Variants in RHCE observed in about 807,000 individuals in gnomAD.
RHCE encodes blood group Rh(CE) polypeptide.
Under a neutral mutation model 43.8 loss-of-function variants are expected in RHCE, and 22 were observed. The observed-to-expected ratio is 0.50, with a 90% CI of 0.36 to 0.72. The LOEUF (loss-of-function observed/expected upper bound fraction) is 0.72, where lower values mean the gene tolerates loss of function less well. Ranked by LOEUF, RHCE falls within the 30% of genes least tolerant of loss-of-function variation. RHCE has a pLI of 0.00. For missense variants in RHCE, 385 were observed against 525.4 expected (o/e 0.73, Z 2.61); for synonymous variants, 156 against 210.7 (o/e 0.74, Z 2.25).
intron 3 of RHCE, among the ~76,000 whole-genome samples, chr1:25,397,643 T>C (rs1275300947): frequency 6.6e-6 from 1 of 152,168 alleles, no homozygotes. Context: ...CCTTGGTCAC[T>C]GATGATGTCA....
chr1:25,379,489 ATATATATTTTTTTT>A (rs1297828755), intron 7 of RHCE, among the ~76,000 whole-genome samples: 23 of 19,644 alleles, frequency 1.2e-3, no homozygotes, highest in African/African-American at 8.0e-3. Context: ...ATATATATAT[ATATATATTTTTTTT>A]TTTTTTTTTT....
chr1:25,371,482 C>T (rs529496392), intron 8 of RHCE, among the ~76,000 whole-genome samples: 3 of 151,386 alleles, frequency 2.0e-5, no homozygotes, highest in Non-Finnish European at 1.5e-5. Context: ...GCAACCCCCC[C>T]ACCTCAGCCT....
At chr1:25,393,538 T>C (rs546427577) in intron 3 of RHCE, among the ~76,000 whole-genome samples, 2 of 152,310 alleles carry the variant, frequency 1.3e-5, no homozygotes, top group African/African-American at 2.4e-5. Context: ...GGAGATTCAC[T>C]GGAACCTGGG....
chr1:25,418,401 G>A lies in RHCE; in HGVS notation c.148+2238C>T, dbSNP rs573338746. On this transcript the variant is annotated intron_variant, in intron 1 of 9. Coordinates refer to ENST00000294413, the MANE Select transcript of RHCE (RefSeq NM_020485.8). ...TTTTGAGATGAAGTCTTGCTCTGTC[G>A]CCCAGGCTGGAGTGTAATGGCCTCC... Among the ~76,000 whole-genome samples, 18 of 149,712 alleles carry A rather than the reference G, an allele frequency of 1.2e-4. No homozygotes were observed. In the South Asian group the frequency reaches 1.9e-3, roughly 16 times the overall value.
intron 8 of RHCE, among the ~76,000 whole-genome samples, chr1:25,373,307 G>A (rs1190193758): frequency 1.3e-5 from 2 of 151,684 alleles, no homozygotes; most frequent in Admixed American, 6.6e-5. Context: ...TGAATAGTGT[G>A]AGTCCCAGGA....
intron 2 of RHCE, among the ~76,000 whole-genome samples, chr1:25,406,271 G>T (rs1360493061): frequency 3.4e-5 from 4 of 117,526 alleles, no homozygotes; most frequent in Non-Finnish European, 7.5e-5. Flanking sequence ...GTGTGTGTGT[G>T]TGTGTATTGA....
chr1:25,421,325 A>G (rs1192748017), upstream of RHCE, among the ~76,000 whole-genome samples: 1 of 152,254 alleles, frequency 6.6e-6, no homozygotes, highest in East Asian at 1.9e-4. Flanking sequence ...GGATACAGAT[A>G]GGACCCACGT....
chr1:25,414,992 A>C (rs1647272884), intron 1 of RHCE, among the ~76,000 whole-genome samples: 1 of 152,044 alleles, frequency 6.6e-6, no homozygotes, highest in African/African-American at 2.4e-5. Flanking sequence ...TGCTTCCCCT[A>C]AGCATATCAT....
intron 3 of RHCE, among the ~76,000 whole-genome samples, chr1:25,392,731 T>C (rs544939064): frequency 6.6e-6 from 1 of 152,054 alleles, no homozygotes; most frequent in African/African-American, 2.4e-5. Flanking sequence ...CAACCATGCC[T>C]GGCCAATTTT....
intron 1 of RHCE, among the ~76,000 whole-genome samples, chr1:25,410,307 T>A (rs1647032329): frequency 6.6e-6 from 1 of 152,164 alleles, no homozygotes; most frequent in African/African-American, 2.4e-5. Flanking sequence ...CGCACATGAA[T>A]AAATGACTGG....
chr1:25,379,497 T>A (rs397832425), intron 7 of RHCE, among the ~76,000 whole-genome samples: 173 of 23,900 alleles, frequency 7.2e-3, no homozygotes, highest in African/African-American at 0.027. Flanking sequence ...ATATATATAT[T>A]TTTTTTTTTT....
chr1:25,408,746 G>C lies in RHCE; in HGVS notation c.272C>G (p.Ala91Gly). Residue 91 changes from alanine to glycine, a missense_variant, in exon 2 of 10, where the codon GCA becomes GGA. Transcript: ENST00000294413. The stretch of plus-strand genomic sequence containing the variant: ...GCTCAGGAAGCCGTCCAGCAGGATT[G>C]CCCACTGCACACCAAGCGCCAGCAT... ...LFMLALGVQW[A>G]ILLDGFLSQF... The C allele has an allele frequency of 7.8e-7, 1 of 1,282,302 alleles. No individual in the cohort carries two copies. Among genetic ancestry groups the C allele is most frequent in the Non-Finnish European group, 1.0e-6 (1 of 962,534 alleles). 79.4% of individuals were successfully genotyped at this position (1,282,302 alleles called of 1,614,324 possible). A position where few individuals can be genotyped will look rare whatever the true frequency, so the allele number is the denominator to read the frequency against.
At position 25,417,440 on chromosome 1, in the gene RHCE, T is replaced by A. The variant is rs114215945; in HGVS notation, c.148+3199A>T. Among the ~76,000 whole-genome samples, 814 of 152,186 alleles carry A rather than the reference T, an allele frequency of 5.3e-3. 6 individuals carry two copies. The highest frequency in any genetic ancestry group is 0.018 in the African/African-American group (748 of 41,508). ...AAGCAGAGAAATAATGGCAGTCAAG[T>A]GAACAAAAAGGAAAGGCAGAGTGAA... On this transcript the variant is annotated intron_variant, in intron 1 of 9. Coordinates refer to ENST00000294413, the MANE Select transcript of RHCE (RefSeq NM_020485.8).
chr1:25,372,942 C>A (rs1476948842), intron 8 of RHCE, among the ~76,000 whole-genome samples: 2 of 151,580 alleles, frequency 1.3e-5, no homozygotes, highest in Non-Finnish European at 2.9e-5. Flanking sequence ...GCAGCTGGGA[C>A]TACAGGTGTA....
intron 2 of RHCE, among the ~76,000 whole-genome samples, chr1:25,426,223 G>T (rs965455446): frequency 3.9e-5 from 6 of 152,166 alleles, no homozygotes; most frequent in African/African-American, 1.4e-4. Context: ...AACATAAAAT[G>T]TCCATTTCAG....
chr1:25,421,492 T>C (rs2042759279), upstream of RHCE, among the ~76,000 whole-genome samples: 1 of 152,180 alleles, frequency 6.6e-6, no homozygotes, highest in South Asian at 2.1e-4. Flanking sequence ...TGATCCAGCC[T>C]TAGGGTGAAG....
At chr1:25,403,985 T>C (rs974353561) in intron 2 of RHCE, among the ~76,000 whole-genome samples, 6 of 150,000 alleles carry the variant, frequency 4.0e-5, no homozygotes. Flanking sequence ...CTGGCCAACA[T>C]GGTGAAACTC....
intron 2 of RHCE, among the ~76,000 whole-genome samples, chr1:25,426,144 C>T (rs565021241): frequency 6.6e-6 from 1 of 152,198 alleles, no homozygotes; most frequent in Non-Finnish European, 1.5e-5. Context: ...TAAATGTTAG[C>T]AATTATGATT....
rs1489119691 is a variant in RHCE, at chr1:25,379,186, A to G, written c.1074-3758T>C. Among the ~76,000 whole-genome samples the G allele has an allele frequency of 2.6e-5, 4 of 151,782 alleles. No homozygotes were observed. The East Asian group carries it at 7.7e-4, about 29-fold the overall frequency. ...GCCATAACATGGCAGAGGGTATCAC[A>G]TGGCAAGAGGGCAAGAGCATGTCAG... On this transcript the variant is annotated intron_variant, in intron 7 of 9. Coordinates refer to ENST00000294413, the MANE Select transcript of RHCE (RefSeq NM_020485.8).
Sources: gnomAD v4.1 joint callset for allele counts (sites outside exome capture counted in the v4.1 genomes callset) on GRCh38, gnomAD v4.1.1 for gene constraint, MANE v1.5 for transcripts, NCBI Gene and HGNC (gene_info 2026-07-23, HGNC 2026-07-21) for gene names.